Variants in CRKL observed in about 807,000 individuals in gnomAD.
CRKL encodes crk-like protein.
A neutral mutation model predicts 23.0 loss-of-function variants in CRKL; 3 were observed. That is an observed-to-expected ratio of 0.13 (90% confidence interval 0.06 to 0.34). The LOEUF (loss-of-function observed/expected upper bound fraction) is 0.34, where lower values mean the gene tolerates loss of function less well. Among genes scored for constraint, CRKL ranks in the 10% least tolerant of loss-of-function variants. The pLI is 1.00. For missense variants in CRKL, 256 were observed against 394.5 expected (o/e 0.65, Z 2.97); for synonymous variants, 188 against 160.7 (o/e 1.17, Z -1.28).
chr22:20,930,863 G>A (rs934167765), intron 1 of CRKL, among the ~76,000 whole-genome samples: 1 of 150,536 alleles, frequency 6.6e-6, no homozygotes, highest in Non-Finnish European at 1.5e-5. Context: ...TGTATTTTTA[G>A]TAGAGAGACA....
At chr22:20,925,177 A>G (rs938939109) in intron 1 of CRKL, among the ~76,000 whole-genome samples, 1 of 114,490 alleles carries the variant, frequency 8.7e-6, no homozygotes, top group Non-Finnish European at 1.7e-5. Context: ...ACAGAGCGAG[A>G]CTCCGTCTCA....
chr22:20,927,192 AT>A lies in CRKL; in HGVS notation c.312-6569del, dbSNP rs532930393. ...AGTACTTAGCTCATCTTGGAATTGA[AT>A]TTTTTTTTTTTTTTTTTGAGACAGT... is the stretch of plus-strand genomic sequence containing the variant. On this transcript the variant is annotated intron_variant, in intron 1 of 2. Transcript: ENST00000354336. Among the ~76,000 whole-genome samples, 39 of 81,962 alleles carry A rather than the reference AT, an allele frequency of 4.8e-4. 1 individual carries two copies. The highest frequency in any genetic ancestry group is 1.3e-3 in the Admixed American group (7 of 5,204). The allele number at this position is 81,962 out of a possible 152,430, so 53.8% of individuals were successfully genotyped here.
chr22:20,935,104 G>A lies in CRKL; in HGVS notation c.777+860G>A, dbSNP rs1191640879. On this transcript the variant is annotated intron_variant, in intron 2 of 2. Coordinates refer to ENST00000354336, the MANE Select transcript of CRKL (RefSeq NM_005207.4). ...GCTGGGATTACAGGTGTGAGCCACC[G>A]TGCCCGGCCCAGGAATGATTTTTTT... Among the ~76,000 whole-genome samples the A allele has an allele frequency of 3.3e-5, 5 of 150,524 alleles. No individual in the cohort carries two copies. The East Asian group carries it at 7.9e-4, about 24-fold the overall frequency.
rs943995115 is a variant in CRKL, at chr22:20,950,003, G to A, written c.*158G>A. ...CACACACATTTGGAATGCACACAGC[G>A]GCTGCCTCCTGATGTTTGTATCATA... On this transcript the variant is annotated 3_prime_UTR_variant, in exon 3 of 3. Transcript: ENST00000354336. The A allele has an allele frequency of 1.1e-5, 10 of 916,548 alleles. No individual in the cohort carries two copies. In the East Asian group the frequency reaches 1.4e-4, roughly 12 times the overall value. 56.8% of individuals were successfully genotyped at this position (916,548 alleles called of 1,614,324 possible). A position where few individuals can be genotyped will look rare whatever the true frequency, so the allele number is the denominator to read the frequency against.
In CRKL at chr22:20,950,026, A is replaced by G. The variant is rs891668341; in HGVS notation, c.*181A>G. 5.4e-6 allele frequency: 4 copies of G among 739,252 alleles called. No individual in the cohort carries two copies. Among genetic ancestry groups the G allele is most frequent in the African/African-American group, 3.6e-5 (2 of 54,808 alleles). 45.8% of individuals were successfully genotyped at this position (739,252 alleles called of 1,614,324 possible). On this transcript the variant is annotated 3_prime_UTR_variant, in exon 3 of 3. Coordinates refer to ENST00000354336, the MANE Select transcript of CRKL (RefSeq NM_005207.4). ...GCGGCTGCCTCCTGATGTTTGTATC[A>G]TAGTCGTATTGTCAAAGAGTAGCCG...
intron 1 of CRKL, among the ~76,000 whole-genome samples, chr22:20,923,176 A>G (rs992059050): frequency 6.6e-6 from 1 of 152,248 alleles, no homozygotes; most frequent in Non-Finnish European, 1.5e-5. Flanking sequence ...AATGTACTGT[A>G]CTCAGCAGAC....
In CRKL at chr22:20,953,424, A is replaced by AAACAAC. The variant is rs55778752; in HGVS notation, c.*3602_*3607dup. On this transcript the variant is annotated 3_prime_UTR_variant, in exon 3 of 3. Coordinates refer to ENST00000354336, the MANE Select transcript of CRKL (RefSeq NM_005207.4). ...TAGACGGTCTTCACTGTGTGTTTTA[A>AAACAAC]AACAACAACAACAACAACAACAACA... 966 of 227,966 alleles carry AAACAAC rather than the reference A, an allele frequency of 4.2e-3. 9 individuals are homozygous for AAACAAC. Among genetic ancestry groups the AAACAAC allele is most frequent in the African/African-American group, 0.019 (872 of 44,858 alleles). 14.1% of individuals were successfully genotyped at this position (227,966 alleles called of 1,614,324 possible).
At chr22:20,935,341 G>A (rs1232000112) in intron 2 of CRKL, among the ~76,000 whole-genome samples, 1 of 151,652 alleles carries the variant, frequency 6.6e-6, no homozygotes, top group African/African-American at 2.4e-5. Context: ...TTGAACTCCT[G>A]ACCTCAGGCG....
chr22:20,927,516 T>G (rs1040584314), intron 1 of CRKL, among the ~76,000 whole-genome samples: 6 of 150,096 alleles, frequency 4.0e-5, no homozygotes, highest in African/African-American at 9.8e-5. Flanking sequence ...TTTCTACCTT[T>G]TTTTTTTTTT....
rs2147920422 is a variant in CRKL, at chr22:20,951,979, C to G, written c.*2134C>G. ...GTGTCAGGTTGGCTTATTTTGGGTTCAGGCCTGGCGTAGCACCCACAAGTG... is the reference window on the plus strand; with the variant it reads ...GTGTCAGGTTGGCTTATTTTGGGTTGAGGCCTGGCGTAGCACCCACAAGTG... On this transcript the variant is annotated 3_prime_UTR_variant, in exon 3 of 3. Transcript: ENST00000354336. 2 of 222,774 alleles carry G rather than the reference C, an allele frequency of 9.0e-6. No individual in the cohort carries two copies. The highest frequency in any genetic ancestry group is 1.3e-4 in the East Asian group (2 of 15,246). 13.8% of individuals were successfully genotyped at this position (222,774 alleles called of 1,614,324 possible). A position where few individuals can be genotyped will look rare whatever the true frequency, so the allele number is the denominator to read the frequency against.
Position 20,917,662 on chromosome 22 carries a change from G to T in CRKL, c.-273G>T. The T allele has an allele frequency of 2.1e-6, 1 of 470,176 alleles. No homozygotes were observed. Among genetic ancestry groups the T allele is most frequent in the Non-Finnish European group, 3.7e-6 (1 of 266,774 alleles). The allele number at this position is 470,176 out of a possible 1,614,324, so 29.1% of individuals were successfully genotyped here. ...GCCCGAGAACCCCGGGGTGGCCTCC[G>T]CTGCGGCTCGGGTTTGCCTGCCCCG... On this transcript the variant is annotated 5_prime_UTR_variant, in exon 1 of 3. Transcript: ENST00000354336.
chr22:20,917,622 C>T lies in CRKL; in HGVS notation c.-313C>T, dbSNP rs1435673737. On this transcript the variant is annotated 5_prime_UTR_variant, in exon 1 of 3. Coordinates refer to ENST00000354336, the MANE Select transcript of CRKL (RefSeq NM_005207.4). ...AGGCCGGGAGTCACTGGAGGCACCC[C>T]TGGGACGCCGAGCAGCCCGAGAACC... 7.3e-6 allele frequency: 3 copies of T among 410,692 alleles called. No homozygotes were observed. The highest frequency in any genetic ancestry group is 8.7e-6 in the Non-Finnish European group (2 of 229,494). 25.4% of individuals were successfully genotyped at this position (410,692 alleles called of 1,614,324 possible).
At chr22:20,918,565 G>C (rs1209354838) in intron 1 of CRKL, among the ~76,000 whole-genome samples, 2 of 150,740 alleles carry the variant, frequency 1.3e-5, no homozygotes, top group Non-Finnish European at 2.9e-5. Context: ...TACTGATGCA[G>C]GGATTTGTTG....
chr22:20,934,423 A>G (rs1427967677), intron 2 of CRKL, among the ~76,000 whole-genome samples, 179 bp downstream of exon 2: 1 of 152,176 alleles, frequency 6.6e-6, no homozygotes, highest in African/African-American at 2.4e-5. Context: ...GAGGTCTCTA[A>G]TTTTAAAAGA....
chr22:20,947,798 G>A (rs1047163957), intron 2 of CRKL, among the ~76,000 whole-genome samples: 19 of 142,634 alleles, frequency 1.3e-4, no homozygotes, highest in Non-Finnish European at 3.0e-5. Flanking sequence ...AACGATCTTC[G>A]CACCTCATTC....
At chr22:20,922,158 G>A (rs1921018328) in intron 1 of CRKL, among the ~76,000 whole-genome samples, 1 of 151,748 alleles carries the variant, frequency 6.6e-6, no homozygotes, top group Non-Finnish European at 1.5e-5. Flanking sequence ...GACTGCATGG[G>A]ACTACAGGCA....
At chr22:20,926,211 G>A (rs1921197073) in intron 1 of CRKL, among the ~76,000 whole-genome samples, 1 of 152,220 alleles carries the variant, frequency 6.6e-6, no homozygotes, top group Non-Finnish European at 1.5e-5. Flanking sequence ...AAGCCAACTT[G>A]TAAAGGGCCT....
chr22:20,929,350 A>G (rs1921353840), intron 1 of CRKL, among the ~76,000 whole-genome samples: 1 of 150,312 alleles, frequency 6.7e-6, no homozygotes, highest in African/African-American at 2.5e-5. Context: ...TATTTTTAGT[A>G]GAGATGGGGT....
chr22:20,942,037 A>G (rs1016665394), intron 2 of CRKL, among the ~76,000 whole-genome samples: 2 of 152,132 alleles, frequency 1.3e-5, no homozygotes, highest in African/African-American at 4.8e-5. Context: ...ACCATCAGCT[A>G]GGGGTTCACA....
Sources: allele counts gnomAD v4.1 joint callset (sites outside exome capture counted in the v4.1 genomes callset), GRCh38; gene constraint gnomAD v4.1.1; transcripts MANE v1.5; gene names NCBI Gene and HGNC (gene_info 2026-07-23, HGNC 2026-07-21).